The following GNAI2 variants were observed in gnomAD, a reference collection of about 807,000 sequenced individuals.
GNAI2 encodes G protein subunit alpha i2, also known as guanine nucleotide-binding protein G(i) subunit alpha-2.
GNAI2 carries 4 observed loss-of-function variants against 36.8 expected under a neutral mutation model. The ratio of observed to expected loss-of-function variants is 0.11; its 90% CI spans 0.05 to 0.25. GNAI2 has a LOEUF of 0.25. Ranked by LOEUF, GNAI2 falls within the 10% of genes least tolerant of loss-of-function variation. The probability of loss-of-function intolerance (pLI) is 1.00; values close to 1 mark genes in which losing one functional copy is unlikely to be tolerated. For synonymous variants in GNAI2, 194 were observed against 194.1 expected, an observed-to-expected ratio of 1.00 and a Z score of 0.01; for missense variants, 230 against 481.3, an observed-to-expected ratio of 0.48 and a Z score of 4.89.
Position 50,242,702 on chromosome 3 carries a change from G to A in GNAI2, c.118+6249G>A, listed in dbSNP as rs1257489615. Among the ~76,000 whole-genome samples, 1 of 152,164 alleles carries A rather than the reference G, an allele frequency of 6.6e-6. No homozygotes were observed. The highest frequency in any genetic ancestry group is 1.5e-5 in the Non-Finnish European group (1 of 68,014). On this transcript the variant is annotated intron_variant, in intron 1 of 8. Coordinates refer to ENST00000313601, the MANE Select transcript of GNAI2 (RefSeq NM_002070.4). This position sits in a 1 kb window ranked among gnomAD's most constrained non-coding sequence, Gnocchi z 4.8. The stretch of plus-strand genomic sequence containing the variant: ...TTTCTGGAATAACCAAACATTTGCT[G>A]GGCTGGTTCTTCTGTGCCGGCCTCT...
Position 50,252,185 on chromosome 3 carries a change from C to G in GNAI2, c.161+43C>G, listed in dbSNP as rs1221801751. On this transcript the variant is annotated intron_variant, in intron 2 of 8. Transcript: ENST00000313601. This position sits in a 1 kb window ranked among gnomAD's most constrained non-coding sequence, Gnocchi z 4.1. ...GAGGCAGTGCTCAAACTCCAGCTTC[C>G]CCTCTTCACCCTCTGGGCCTGCACT... 22 of 1,576,162 alleles carry G rather than the reference C, an allele frequency of 1.4e-5. No homozygotes were observed. The highest frequency in any genetic ancestry group is 1.9e-5 in the Non-Finnish European group (22 of 1,147,014).
Position 50,238,100 on chromosome 3 carries a change from TC to T in GNAI2, c.118+1649del, listed in dbSNP as rs1700222914. ...TGCTTTGCGTTGGGCGCTTGCCTCTTCCTGTCTCTGCTGTGAGTGCGGCAGC... is the reference window on the plus strand; with the variant it reads ...TGCTTTGCGTTGGGCGCTTGCCTCTTCTGTCTCTGCTGTGAGTGCGGCAGC... On this transcript the variant is annotated intron_variant, in intron 1 of 8. Transcript: ENST00000313601. This position sits in a 1 kb window ranked among gnomAD's most constrained non-coding sequence, Gnocchi z 5.0. The T allele has an allele frequency of 2.6e-5, 4 of 152,198 alleles. No homozygotes were observed. The highest frequency in any genetic ancestry group is 2.6e-4 in the Admixed American group (4 of 15,290). The allele number at this position is 152,198 out of a possible 1,614,324, so 9.4% of individuals were successfully genotyped here. A position where few individuals can be genotyped will look rare whatever the true frequency, so the allele number is the denominator to read the frequency against.
In GNAI2 at chr3:50,258,932, T is replaced by C; in HGVS notation, c.*589T>C. Reference sequence around the variant, plus strand: ...AAAACTGCAAATCTAGAAAACTTTTTAGAGAAAAACTATTTAAAACTGTCA... The same window carrying C: ...AAAACTGCAAATCTAGAAAACTTTTCAGAGAAAAACTATTTAAAACTGTCA... On this transcript the variant is annotated 3_prime_UTR_variant, in exon 9 of 9. Transcript: ENST00000313601. 2.3e-6 allele frequency: 1 copy of C among 443,704 alleles called. No individual in the cohort carries two copies. Among genetic ancestry groups the C allele is most frequent in the Non-Finnish European group, 4.5e-6 (1 of 223,716 alleles). The allele number at this position is 443,704 out of a possible 1,614,324, so 27.5% of individuals were successfully genotyped here.
chr3:50,248,178 G>A (rs139010785), intron 1 of GNAI2, among the ~76,000 whole-genome samples: 4 of 152,298 alleles, frequency 2.6e-5, no homozygotes, highest in South Asian at 4.1e-4. Context: ...AGGTTGAACC[G>A]GGAGGCAAAG....
intron 5 of GNAI2, 65 bp downstream of exon 5, chr3:50,256,385 G>T: frequency 6.6e-7 from 1 of 1,506,384 alleles, no homozygotes; most frequent in Non-Finnish European, 9.2e-7. Flanking sequence ...GCAGAGGCAG[G>T]GGCTGGTCCA....
chr3:50,246,165 G>A (rs1370882058), intron 1 of GNAI2, among the ~76,000 whole-genome samples: 3 of 152,188 alleles, frequency 2.0e-5, no homozygotes, highest in South Asian at 4.1e-4. Flanking sequence ...TTTGTCTGGC[G>A]GGGTCTCTGC....
intron 1 of GNAI2, among the ~76,000 whole-genome samples, chr3:50,250,010 C>G (rs587676826): frequency 3.8e-4 from 58 of 152,296 alleles, no homozygotes; most frequent in Admixed American, 1.2e-3. Context: ...CGCTGCAGTA[C>G]CAGGTACTTA....
chr3:50,229,044 T>G (rs1212610920), upstream of GNAI2: 1 of 152,136 alleles, frequency 6.6e-6, no homozygotes, highest in Non-Finnish European at 1.5e-5. Flanking sequence ...TCACCTTCAT[T>G]AGGGCTGTTT....
chr3:50,236,501 C>G lies in GNAI2; in HGVS notation c.118+48C>G. 6.4e-7 allele frequency: 1 copy of G among 1,554,558 alleles called. No individual in the cohort carries two copies. The highest frequency in any genetic ancestry group is 1.2e-5 in the South Asian group (1 of 83,358). The stretch of plus-strand genomic sequence containing the variant: ...GATCCTTGATTCCCAGCTCGAATCC[C>G]CAGACAAGGACTTTGACCTCCCAGA... On this transcript the variant is annotated intron_variant, in intron 1 of 8. Coordinates refer to ENST00000313601, the MANE Select transcript of GNAI2 (RefSeq NM_002070.4). The surrounding 1 kb of genome is among the most constrained non-coding windows in gnomAD (Gnocchi z 4.0).
In GNAI2 at chr3:50,242,680, C is replaced by G. The variant is rs1700323916; in HGVS notation, c.118+6227C>G. On this transcript the variant is annotated intron_variant, in intron 1 of 8. Coordinates refer to ENST00000313601, the MANE Select transcript of GNAI2 (RefSeq NM_002070.4). This position sits in a 1 kb window ranked among gnomAD's most constrained non-coding sequence, Gnocchi z 4.8. ...TGGTGGCTGGGGAGGAAGAATCTTT[C>G]TGGAATAACCAAACATTTGCTGGGC... is the stretch of plus-strand genomic sequence containing the variant. Among the ~76,000 whole-genome samples, 1 of 152,188 alleles carries G rather than the reference C, an allele frequency of 6.6e-6. No individual in the cohort carries two copies. Among genetic ancestry groups the G allele is most frequent in the African/African-American group, 2.4e-5 (1 of 41,434 alleles).
At position 50,243,600 on chromosome 3, in the gene GNAI2, T is replaced by A. The variant is rs1459018786; in HGVS notation, c.118+7147T>A. On this transcript the variant is annotated intron_variant, in intron 1 of 8. Coordinates refer to ENST00000313601, the MANE Select transcript of GNAI2 (RefSeq NM_002070.4). ...CCCTCAGGTGATAACCACAGCTGTC[T>A]CTGATTGAGCCTTGACTGTTGTGTG... Among the ~76,000 whole-genome samples, 4 of 152,378 alleles carry A rather than the reference T, an allele frequency of 2.6e-5. No homozygotes were observed. The South Asian group carries it at 8.3e-4, about 32-fold the overall frequency.
chr3:50,245,117 G>A (rs1214657733), intron 1 of GNAI2, among the ~76,000 whole-genome samples: 3 of 152,004 alleles, frequency 2.0e-5, no homozygotes, highest in Admixed American at 2.0e-4. Flanking sequence ...TCCTGCCTCA[G>A]CCTCCAGAGT....
upstream of GNAI2, among the ~76,000 whole-genome samples, chr3:50,235,572 G>T (rs984523989): frequency 6.6e-6 from 1 of 152,092 alleles, no homozygotes; most frequent in Non-Finnish European, 1.5e-5. Context: ...TGCCCGCCTC[G>T]GCCTCCTAAA....
At chr3:50,233,177 G>T (rs1559762434), upstream of GNAI2, among the ~76,000 whole-genome samples, 1 of 152,096 alleles carries the variant, frequency 6.6e-6, no homozygotes, top group Non-Finnish European at 1.5e-5. Context: ...AGCAAGGGTT[G>T]CTGGACTCCC....
upstream of GNAI2, chr3:50,236,192 G>A: frequency 8.5e-7 from 1 of 1,175,644 alleles, no homozygotes; most frequent in Non-Finnish European, 1.0e-6. The surrounding 1 kb of genome is among the most constrained non-coding windows in gnomAD (Gnocchi z 4.0). Context: ...CGGTAGGGAA[G>A]GCGCCTCCCG....
chr3:50,246,427 T>G (rs919597613), intron 1 of GNAI2, among the ~76,000 whole-genome samples: 3 of 152,238 alleles, frequency 2.0e-5, no homozygotes, highest in Non-Finnish European at 2.9e-5. Context: ...GCACGGGATC[T>G]GAGAACCACA....
intron 1 of GNAI2, chr3:50,251,325 T>A: frequency 1.0e-6 from 1 of 975,818 alleles, no homozygotes; most frequent in Non-Finnish European, 1.2e-6. Flanking sequence ...CTGTGACTAA[T>A]ACAGGAGAGA....
upstream of GNAI2, chr3:50,236,185 T>G: frequency 8.6e-7 from 1 of 1,166,614 alleles, no homozygotes; most frequent in African/African-American, 1.6e-5. The surrounding 1 kb of genome is among the most constrained non-coding windows in gnomAD (Gnocchi z 4.0). Flanking sequence ...TGCGCGGCGG[T>G]AGGGAAGGCG....
chr3:50,237,395 GA>G (rs1394908966), intron 1 of GNAI2, among the ~76,000 whole-genome samples: 5 of 152,228 alleles, frequency 3.3e-5, no homozygotes, highest in Non-Finnish European at 7.3e-5. Flanking sequence ...TCCAAGGCCA[GA>G]AAAGATGGTG....
Sources: allele counts gnomAD v4.1 joint callset (sites outside exome capture counted in the v4.1 genomes callset), GRCh38; gene constraint gnomAD v4.1.1; non-coding constraint Gnocchi (gnomAD v3.1); transcripts MANE v1.5; gene names NCBI Gene and HGNC (gene_info 2026-07-23, HGNC 2026-07-21).